The following COL23A1 variants were observed in gnomAD, a reference collection of about 807,000 sequenced individuals.
COL23A1 encodes collagen type XXIII alpha 1 chain.
Under a neutral mutation model 99.3 loss-of-function variants are expected in COL23A1, and 97 were observed. The ratio of observed to expected loss-of-function variants is 0.98; its 90% confidence interval spans 0.83 to 1.16. COL23A1 has a LOEUF of 1.16. Ranked by LOEUF, COL23A1 falls within the 50% of genes most tolerant of loss-of-function variation. The probability of loss-of-function intolerance (pLI) is 0.00; values close to 1 mark genes in which losing one functional copy is unlikely to be tolerated. For missense variants in COL23A1, 762 were observed against 757.4 expected, an observed-to-expected ratio of 1.01 and a Z score of -0.07; for synonymous variants, 320 against 308.2, an observed-to-expected ratio of 1.04 and a Z score of -0.40.
intron 2 of COL23A1, among the ~76,000 whole-genome samples, chr5:178,471,611 G>A (rs1756756328): frequency 6.6e-6 from 1 of 151,880 alleles, no homozygotes; most frequent in Non-Finnish European, 1.5e-5. Context: ...CCCTTCCTGG[G>A]GCTAGCTAAC....
At chr5:178,292,887 G>C (rs1324310875) in intron 3 of COL23A1, among the ~76,000 whole-genome samples, 1 of 152,218 alleles carries the variant, frequency 6.6e-6, no homozygotes, top group East Asian at 1.9e-4. Flanking sequence ...AGTCCTGGAA[G>C]CAAAGTAGAG....
chr5:178,416,326 C>G (rs1213313821), intron 2 of COL23A1, among the ~76,000 whole-genome samples: 1 of 152,198 alleles, frequency 6.6e-6, no homozygotes, highest in African/African-American at 2.4e-5. Flanking sequence ...AGCCCTGCAG[C>G]TGGCCTGCCT....
At chr5:178,247,010 G>A (rs1349556888) in intron 22 of COL23A1, among the ~76,000 whole-genome samples, 1 of 152,210 alleles carries the variant, frequency 6.6e-6, no homozygotes, top group Non-Finnish European at 1.5e-5. Context: ...AGTGAGGCCA[G>A]GTGGCCTCCC....
intron 2 of COL23A1, among the ~76,000 whole-genome samples, chr5:178,441,641 G>A (rs965921882): frequency 2.0e-5 from 3 of 152,058 alleles, no homozygotes; most frequent in African/African-American, 7.2e-5. Flanking sequence ...CCTGATGTTT[G>A]GAGAAAGACA....
chr5:178,386,397 C>T (rs1486707445), intron 2 of COL23A1, among the ~76,000 whole-genome samples: 1 of 151,900 alleles, frequency 6.6e-6, no homozygotes, highest in Non-Finnish European at 1.5e-5. Flanking sequence ...TGAGATTGCA[C>T]CGCTGCACTC....
intron 2 of COL23A1, among the ~76,000 whole-genome samples, chr5:178,455,653 G>A (rs1156774815): frequency 5.3e-5 from 8 of 152,102 alleles, no homozygotes; most frequent in Non-Finnish European, 1.2e-4. Context: ...CTCCGCCATC[G>A]CTTCTGTGTG....
chr5:178,531,236 T>C (rs921073286), intron 2 of COL23A1, among the ~76,000 whole-genome samples: 1 of 152,140 alleles, frequency 6.6e-6, no homozygotes, highest in African/African-American at 2.4e-5. Flanking sequence ...GGGAACAAGA[T>C]GGAAGGGACT....
Position 178,288,369 on chromosome 5 carries a change from C to T in COL23A1, c.415-19G>A. 6.2e-7 allele frequency: 1 copy of T among 1,606,748 alleles called. No homozygotes were observed. Among genetic ancestry groups the T allele is most frequent in the Non-Finnish European group, 8.5e-7 (1 of 1,173,216 alleles). Reference sequence around the variant, plus strand: ...ATTGCCCCTGTGGTAATTAATATGTCATTAATAATCAGAGTTTCGGCAGAA... The same window carrying T: ...ATTGCCCCTGTGGTAATTAATATGTTATTAATAATCAGAGTTTCGGCAGAA... On this transcript the variant is annotated intron_variant, in intron 4 of 28. Transcript: ENST00000390654.
chr5:178,527,565 C>G (rs1384521337), intron 2 of COL23A1, among the ~76,000 whole-genome samples: 1 of 152,220 alleles, frequency 6.6e-6, no homozygotes, highest in Non-Finnish European at 1.5e-5. Flanking sequence ...GGGCACAGCA[C>G]CACGTACAAA....
At chr5:178,269,085 C>A (rs913394698) in intron 6 of COL23A1, among the ~76,000 whole-genome samples, 1 of 152,154 alleles carries the variant, frequency 6.6e-6, no homozygotes, top group African/African-American at 2.4e-5. Context: ...TCAGCACCCG[C>A]CCTGTCATTG....
At chr5:178,430,157 G>T (rs907065995) in intron 2 of COL23A1, among the ~76,000 whole-genome samples, 2 of 152,158 alleles carry the variant, frequency 1.3e-5, no homozygotes, top group Non-Finnish European at 2.9e-5. Flanking sequence ...CTGTCACTTC[G>T]AGACCTTAAT....
chr5:178,539,163 ACT>A (rs1162252369), intron 2 of COL23A1, among the ~76,000 whole-genome samples: 1 of 152,144 alleles, frequency 6.6e-6, no homozygotes, highest in Non-Finnish European at 1.5e-5. Context: ...TGGTTGCACA[ACT>A]CTGTGTATAC....
chr5:178,452,468 A>C (rs1023815069), intron 2 of COL23A1, among the ~76,000 whole-genome samples: 2 of 152,222 alleles, frequency 1.3e-5, no homozygotes, highest in Non-Finnish European at 2.9e-5. Flanking sequence ...AGGAACCATA[A>C]GAGAAAAGAC....
chr5:178,388,431 T>C (rs1379381277), intron 2 of COL23A1, among the ~76,000 whole-genome samples: 1 of 152,216 alleles, frequency 6.6e-6, no homozygotes, highest in Non-Finnish European at 1.5e-5. Context: ...GGAGGTGGCT[T>C]ACACTTACTT....
chr5:178,437,267 A>G (rs189364340), intron 2 of COL23A1, among the ~76,000 whole-genome samples: 7 of 152,296 alleles, frequency 4.6e-5, no homozygotes, highest in African/African-American at 1.4e-4. Flanking sequence ...CTGGTTCCAG[A>G]AACAGAAAGC....
At chr5:178,558,883 G>A (rs1326373384) in intron 2 of COL23A1, among the ~76,000 whole-genome samples, 3 of 151,880 alleles carry the variant, frequency 2.0e-5, no homozygotes, top group Non-Finnish European at 4.4e-5. Flanking sequence ...CCACCTCCCA[G>A]GATGAAGCAA....
intron 2 of COL23A1, among the ~76,000 whole-genome samples, chr5:178,539,791 C>A (rs1370207896): frequency 6.6e-6 from 1 of 152,092 alleles, no homozygotes; most frequent in African/African-American, 2.4e-5. Context: ...ACCAGCATAA[C>A]CTTATACCAA....
intron 2 of COL23A1, among the ~76,000 whole-genome samples, chr5:178,382,579 T>G (rs1581271187): frequency 6.6e-6 from 1 of 151,064 alleles, no homozygotes; most frequent in African/African-American, 2.4e-5. Context: ...GAGTGGGGGG[T>G]GAGGAGGGCA....
intron 2 of COL23A1, among the ~76,000 whole-genome samples, chr5:178,408,986 AC>A (rs1764917859): frequency 8.2e-6 from 1 of 122,426 alleles, no homozygotes; most frequent in East Asian, 2.0e-4. Flanking sequence ...ACACACACAC[AC>A]ACACACACAC....
Sources: allele counts gnomAD v4.1 joint callset (sites outside exome capture counted in the v4.1 genomes callset), GRCh38; gene constraint gnomAD v4.1.1; transcripts MANE v1.5; gene names NCBI Gene and HGNC (gene_info 2026-07-23, HGNC 2026-07-21).